LRBA: variants seen among roughly 807,000 people sequenced by gnomAD.
LRBA encodes the protein LPS responsive beige-like anchor protein.
In LRBA, 176 loss-of-function variants were observed where a neutral mutation model predicts 330.0. The ratio of observed to expected loss-of-function variants is 0.53; its 90% CI spans 0.47 to 0.60. LRBA has a LOEUF of 0.60. Ranked by LOEUF, LRBA falls within the 20% of genes least tolerant of loss-of-function variation. The probability of loss-of-function intolerance (pLI) is 0.00; values close to 1 mark genes in which losing one functional copy is unlikely to be tolerated. For synonymous variants in LRBA, 1,230 were observed against 1,193.0 expected (o/e 1.03, Z -0.64); for missense variants, 3,259 against 3,444.8 (o/e 0.95, Z 1.35).
intron 37 of LRBA, among the ~76,000 whole-genome samples, chr4:150,616,221 A>T (rs969283931): frequency 6.6e-6 from 1 of 152,202 alleles, no homozygotes; most frequent in African/African-American, 2.4e-5. Context: ...TAGTGTTTAC[A>T]TAATACAGGT....
chr4:150,473,419 G>A (rs921044027), intron 42 of LRBA, among the ~76,000 whole-genome samples: 1 of 152,046 alleles, frequency 6.6e-6, no homozygotes, highest in Non-Finnish European at 1.5e-5. Context: ...ATGATTTCTG[G>A]GTATATCTGT....
rs1327970749 is a variant in LRBA at position 150,842,650 on chromosome 4, G to C, written c.4569+1450C>G. 2.0e-5 allele frequency among the ~76,000 whole-genome samples: 3 copies of C among 152,174 alleles called. No individual in the cohort carries two copies. In the East Asian group the frequency reaches 5.8e-4, roughly 29 times the overall value. On this transcript the variant is annotated intron_variant, in intron 28 of 56. Coordinates refer to ENST00000651943, the MANE Select transcript of LRBA (RefSeq NM_001364905.1). ...ATTAAAGGAATAATAACAGCTACTA[G>C]AGAACTATGATCTAAGAAGGTAGTA...
intron 51 of LRBA, among the ~76,000 whole-genome samples, chr4:150,311,899 T>C (rs1731123007): frequency 1.3e-5 from 2 of 152,234 alleles, no homozygotes; most frequent in African/African-American, 4.8e-5. Context: ...AATGAAGTTG[T>C]ATGATACAAT....
chr4:150,951,123 T>A (rs1736787871), intron 2 of LRBA, among the ~76,000 whole-genome samples: 2 of 152,222 alleles, frequency 1.3e-5, no homozygotes, highest in South Asian at 4.1e-4. Flanking sequence ...AGGGTTTCCC[T>A]GGTTCTTGCA....
chr4:150,603,497 T>G (rs955348910), intron 37 of LRBA, among the ~76,000 whole-genome samples: 1 of 152,140 alleles, frequency 6.6e-6, no homozygotes. Flanking sequence ...TGGTTGTTGT[T>G]GTTTTTTAAG....
intron 35 of LRBA, among the ~76,000 whole-genome samples, chr4:150,739,151 T>A (rs1388908164): frequency 6.6e-6 from 1 of 152,096 alleles, no homozygotes. Flanking sequence ...GTTAAATTAA[T>A]AAAAGGATAA....
intron 47 of LRBA, among the ~76,000 whole-genome samples, chr4:150,414,857 C>T (rs1747507657): frequency 6.6e-6 from 1 of 151,752 alleles, no homozygotes; most frequent in Non-Finnish European, 1.5e-5. Flanking sequence ...ACTTAAAAGG[C>T]AAAAAGGAAA....
chr4:150,777,788 G>A (rs1737597910), intron 34 of LRBA, among the ~76,000 whole-genome samples: 2 of 151,780 alleles, frequency 1.3e-5, no homozygotes, highest in African/African-American at 4.8e-5. Context: ...GACCATCCTG[G>A]CCAACATGGT....
chr4:150,294,747 T>C (rs529830187), intron 53 of LRBA, among the ~76,000 whole-genome samples: 34 of 152,246 alleles, frequency 2.2e-4, no homozygotes, highest in African/African-American at 7.5e-4. Flanking sequence ...GTCAGGAGAT[T>C]GAGACCATCA....
intron 34 of LRBA, among the ~76,000 whole-genome samples, chr4:150,790,403 A>C (rs934862051): frequency 2.6e-5 from 4 of 152,154 alleles, no homozygotes; most frequent in Non-Finnish European, 5.9e-5. Context: ...TATTATGGAA[A>C]CTCAAATAAA....
At chr4:150,883,598 A>C (rs1051765908) in intron 17 of LRBA, among the ~76,000 whole-genome samples, 1 of 152,222 alleles carries the variant, frequency 6.6e-6, no homozygotes, top group Non-Finnish European at 1.5e-5. Flanking sequence ...AATCATCGAA[A>C]ACAAAAATCC....
intron 40 of LRBA, among the ~76,000 whole-genome samples, chr4:150,513,580 T>C (rs1762049948): frequency 1.3e-5 from 2 of 152,330 alleles, no homozygotes; most frequent in South Asian, 4.1e-4. Context: ...AGGTGTGATT[T>C]CTTGGAGTTC....
intron 30 of LRBA, among the ~76,000 whole-genome samples, chr4:150,818,895 A>C (rs942501953): frequency 2.0e-5 from 3 of 152,224 alleles, no homozygotes; most frequent in African/African-American, 7.2e-5. Context: ...GCTATGACTC[A>C]ACAATTCCAC....
At chr4:150,410,002 G>A (rs1746733528) in intron 47 of LRBA, among the ~76,000 whole-genome samples, 1 of 151,764 alleles carries the variant, frequency 6.6e-6, no homozygotes, top group Admixed American at 6.6e-5. Context: ...TTACATTCTT[G>A]GCCACATCAT....
chr4:150,504,190 T>G (rs1200516603), intron 40 of LRBA, among the ~76,000 whole-genome samples: 2 of 152,294 alleles, frequency 1.3e-5, no homozygotes, highest in South Asian at 2.1e-4. Flanking sequence ...CCAGGAGAAC[T>G]TCCCCAATCT....
intron 11 of LRBA, 43 bp from the exon 12 acceptor site, chr4:150,906,448 A>ATT: frequency 9.0e-7 from 1 of 1,112,626 alleles, no homozygotes; most frequent in Non-Finnish European, 1.4e-6. Flanking sequence ...AACATATTCT[A>ATT]TTTTTTTTAA....
intron 37 of LRBA, among the ~76,000 whole-genome samples, chr4:150,619,565 AT>A (rs1477478051): frequency 6.6e-6 from 1 of 152,186 alleles, no homozygotes; most frequent in African/African-American, 2.4e-5. Context: ...TATTCTACAG[AT>A]ATCAACCATC....
At chr4:150,755,853 C>T (rs2126429005) in intron 35 of LRBA, among the ~76,000 whole-genome samples, 1 of 150,294 alleles carries the variant, frequency 6.7e-6, no homozygotes, top group East Asian at 2.0e-4. Context: ...GCCTGGGCAA[C>T]ATGGCAAAAC....
chr4:150,556,650 T>A (rs770387692), intron 40 of LRBA, among the ~76,000 whole-genome samples: 9 of 152,234 alleles, frequency 5.9e-5, no homozygotes, highest in Non-Finnish European at 1.2e-4. Context: ...ATTTTCCCTA[T>A]GAAATAAGCA....
Sources: gnomAD v4.1 joint callset for allele counts (sites outside exome capture counted in the v4.1 genomes callset) on GRCh38, gnomAD v4.1.1 for gene constraint, MANE v1.5 for transcripts, NCBI Gene and HGNC (gene_info 2026-07-23, HGNC 2026-07-21) for gene names.